Variants in LUC7L3 observed in about 807,000 individuals in gnomAD.
LUC7L3 encodes luc7-like protein 3.
Under a neutral mutation model 66.8 loss-of-function variants are expected in LUC7L3, and 6 were observed. The observed-to-expected ratio is 0.09, with a 90% CI of 0.05 to 0.18. The LOEUF is 0.18. Ranked by LOEUF, LUC7L3 falls within the 10% of genes least tolerant of loss-of-function variation. The probability of loss-of-function intolerance (pLI) is 1.00; values close to 1 mark genes in which losing one functional copy is unlikely to be tolerated. For synonymous variants in LUC7L3, 160 were observed against 174.7 expected, an observed-to-expected ratio of 0.92 and a Z score of 0.66; for missense variants, 341 against 531.1, an observed-to-expected ratio of 0.64 and a Z score of 3.52.
intron 1 of LUC7L3, among the ~76,000 whole-genome samples, chr17:50,725,138 G>C (rs1037193700): frequency 1.3e-5 from 2 of 149,200 alleles, no homozygotes; most frequent in African/African-American, 5.1e-5. Context: ...GGCTGGGAGC[G>C]GTGGCTCACG....
At chr17:50,747,609 C>T (rs1970760529) in intron 9 of LUC7L3, among the ~76,000 whole-genome samples, 2 of 152,016 alleles carry the variant, frequency 1.3e-5, no homozygotes, top group Non-Finnish European at 2.9e-5. Context: ...GTTTATTATA[C>T]TAGTCTTTTG....
At chr17:50,720,073 C>T (rs1968638846) in intron 1 of LUC7L3, among the ~76,000 whole-genome samples, 1 of 152,236 alleles carries the variant, frequency 6.6e-6, no homozygotes, top group African/African-American at 2.4e-5. Context: ...TGAAAAGCAC[C>T]TTGATGAGGC....
chr17:50,730,165 T>G (rs1371571143), intron 1 of LUC7L3, among the ~76,000 whole-genome samples: 1 of 150,678 alleles, frequency 6.6e-6, no homozygotes, highest in African/African-American at 2.4e-5. Context: ...GGAGATGGGG[T>G]CTTGCCACGT....
chr17:50,746,211 C>T (rs1003461833), intron 8 of LUC7L3, among the ~76,000 whole-genome samples: 1 of 152,168 alleles, frequency 6.6e-6, no homozygotes, highest in African/African-American at 2.4e-5. Context: ...TAGGAAATTT[C>T]ACCCAACCTT....
At chr17:50,742,697 A>G (rs1337331552) in intron 5 of LUC7L3, among the ~76,000 whole-genome samples, 3 of 152,208 alleles carry the variant, frequency 2.0e-5, no homozygotes, top group South Asian at 2.1e-4. Flanking sequence ...ACCATATGCC[A>G]TTCTACTCCC....
chr17:50,727,838 G>T (rs1473099613), intron 1 of LUC7L3, among the ~76,000 whole-genome samples: 2 of 152,060 alleles, frequency 1.3e-5, no homozygotes, highest in East Asian at 3.9e-4. Flanking sequence ...GGGCGTGGTG[G>T]CTCACGCCAG....
chr17:50,747,646 A>G (rs929173887), intron 9 of LUC7L3, among the ~76,000 whole-genome samples: 4 of 152,158 alleles, frequency 2.6e-5, no homozygotes, highest in African/African-American at 9.7e-5. Context: ...TATATCCTTT[A>G]ATAGAACTGT....
chr17:50,749,139 C>CT (rs1970856641), intron 9 of LUC7L3: 6 of 1,131,834 alleles, frequency 5.3e-6, no homozygotes, highest in Non-Finnish European at 5.8e-6. Context: ...AGAGAGTTTC[C>CT]TTTTTTCATC....
At chr17:50,724,031 C>T (rs886476866) in intron 1 of LUC7L3, 13 of 445,490 alleles carry the variant, frequency 2.9e-5, no homozygotes, top group African/African-American at 2.4e-4. Context: ...TTGCTATTTG[C>T]TTTTCTTCCC....
At chr17:50,736,858 C>A in intron 1 of LUC7L3, 102 bp from the exon 2 acceptor site, 1 of 710,014 alleles carries the variant, frequency 1.4e-6, no homozygotes, top group Non-Finnish European at 2.4e-6. Context: ...TTGGTTGAAA[C>A]ATACATACCT....
chr17:50,720,920 C>G (rs1358949785), intron 1 of LUC7L3, among the ~76,000 whole-genome samples: 1 of 151,988 alleles, frequency 6.6e-6, no homozygotes, highest in African/African-American at 2.4e-5. Flanking sequence ...CTAACTGATT[C>G]CAAAGTAGTA....
At chr17:50,749,110 TA>T in intron 9 of LUC7L3, 1 of 742,184 alleles carries the variant, frequency 1.3e-6, no homozygotes, top group Non-Finnish European at 2.0e-6. Context: ...GCAACCAGTG[TA>T]AGGTGCTCTC....
rs1968906782 is a variant in LUC7L3, at chr17:50,723,205, C to T, written c.99+3374C>T. 3 of 152,150 alleles carry T rather than the reference C, an allele frequency of 2.0e-5. No homozygotes were observed. The East Asian group carries it at 5.8e-4, about 29-fold the overall frequency. The allele number at this position is 152,150 out of a possible 1,614,324, so 9.4% of individuals were successfully genotyped here. ...AGGTTTTTATATTCTAGATCTCAACCTGAAAATGAAATTACTTAATCATTA... is the reference window on the plus strand; with the variant it reads ...AGGTTTTTATATTCTAGATCTCAACTTGAAAATGAAATTACTTAATCATTA... On this transcript the variant is annotated intron_variant, in intron 1 of 9. Coordinates refer to ENST00000505658, the MANE Select transcript of LUC7L3 (RefSeq NM_016424.5).
In LUC7L3 at chr17:50,753,177, C is replaced by T. The variant is rs528010986; in HGVS notation, c.*2516C>T. On this transcript the variant is annotated 3_prime_UTR_variant, in exon 10 of 10. Coordinates refer to ENST00000505658, the MANE Select transcript of LUC7L3 (RefSeq NM_016424.5). ...ACCGGCAGCATGTTTCTATCTATAG[C>T]CAGCTTCTTCGACTGTATAAAAGTA... 1 of 152,500 alleles carries T rather than the reference C, an allele frequency of 6.6e-6. No homozygotes were observed. The highest frequency in any genetic ancestry group is 1.9e-4 in the East Asian group (1 of 5,180). The allele number at this position is 152,500 out of a possible 1,614,324, so 9.4% of individuals were successfully genotyped here.
rs1161830476 is a variant in LUC7L3 at position 50,752,279 on chromosome 17, A to C, written c.*1618A>C. The C allele has an allele frequency of 8.3e-7, 1 of 1,204,750 alleles. No homozygotes were observed. The highest frequency in any genetic ancestry group is 2.4e-5 in the Admixed American group (1 of 41,988). The allele number at this position is 1,204,750 out of a possible 1,614,324, so 74.6% of individuals were successfully genotyped here. A position where few individuals can be genotyped will look rare whatever the true frequency, so the allele number is the denominator to read the frequency against. Reference sequence around the variant, plus strand: ...CGACATTTAAAAAATGAGGTGAAAGAAAGCTATAGTGGCATAGAAAAAGTA... The same window carrying C: ...CGACATTTAAAAAATGAGGTGAAAGCAAGCTATAGTGGCATAGAAAAAGTA... On this transcript the variant is annotated 3_prime_UTR_variant, in exon 10 of 10. Coordinates refer to ENST00000505658, the MANE Select transcript of LUC7L3 (RefSeq NM_016424.5).
chr17:50,730,614 C>G (rs544323735), intron 1 of LUC7L3, among the ~76,000 whole-genome samples: 39 of 149,002 alleles, frequency 2.6e-4, no homozygotes, highest in Admixed American at 1.1e-3. Context: ...AGTGTTGGAT[C>G]TAAGTAGATA....
In LUC7L3 at chr17:50,719,751, T is replaced by C; in HGVS notation, c.19T>C (p.Leu7=). The C allele has an allele frequency of 6.2e-7, 1 of 1,611,374 alleles. No individual in the cohort carries two copies. The highest frequency in any genetic ancestry group is 8.5e-7 in the Non-Finnish European group (1 of 1,178,882). MISAAQ[L]LDELMGRDRN... ...AAGCACCATGATTTCGGCCGCGCAGTTGTTGGATGAGTTAATGGGCCGGGA... is the reference window on the plus strand; with the variant it reads ...AAGCACCATGATTTCGGCCGCGCAGCTGTTGGATGAGTTAATGGGCCGGGA... Residue 7 remains leucine (L), a synonymous_variant, in exon 1 of 10, where the codon TTG becomes CTG. Coordinates refer to ENST00000505658, the MANE Select transcript of LUC7L3 (RefSeq NM_016424.5).
intron 1 of LUC7L3, among the ~76,000 whole-genome samples, chr17:50,734,954 T>C (rs1046011839): frequency 5.9e-5 from 9 of 152,046 alleles, no homozygotes; most frequent in Admixed American, 5.9e-4. Flanking sequence ...AACTTTCACG[T>C]CTGAGCGCGG....
intron 1 of LUC7L3, among the ~76,000 whole-genome samples, chr17:50,727,602 A>G (rs72839261): frequency 0.085 from 12,892 of 152,256 alleles, 696 homozygotes; most frequent in Middle Eastern, 0.16. Flanking sequence ...TACTCAGGAA[A>G]GGCCTGTCAG....
Sources: gnomAD v4.1 joint callset for allele counts (sites outside exome capture counted in the v4.1 genomes callset) on GRCh38, gnomAD v4.1.1 for gene constraint, MANE v1.5 for transcripts, NCBI Gene and HGNC (gene_info 2026-07-23, HGNC 2026-07-21) for gene names.